The following COL24A1 variants were observed in gnomAD, a reference collection of about 807,000 sequenced individuals.
COL24A1 encodes collagen alpha-1(XXIV) chain.
A neutral mutation model predicts 253.9 loss-of-function variants in COL24A1; 224 were observed. The ratio of observed to expected loss-of-function variants is 0.88; its 90% CI spans 0.79 to 0.99. The LOEUF is 0.99. Ranked by LOEUF, COL24A1 falls within the 50% of genes least tolerant of loss-of-function variation. The pLI, the probability that COL24A1 is intolerant of heterozygous loss-of-function variation, is 0.00. For synonymous variants in COL24A1, 685 were observed against 673.7 expected (o/e 1.02, Z -0.26); for missense variants, 2,131 against 2,068.5 (o/e 1.03, Z -0.59).
chr1:85,783,035 C>T (rs769997400), intron 51 of COL24A1, among the ~76,000 whole-genome samples: 3 of 152,148 alleles, frequency 2.0e-5, no homozygotes, highest in East Asian at 1.9e-4. Flanking sequence ...ACTATTTAAG[C>T]GGTTCCTCAT....
At chr1:86,112,690 T>C in intron 4 of COL24A1, 70 bp from the exon 5 acceptor site, 1 of 1,405,120 alleles carries the variant, frequency 7.1e-7, no homozygotes, top group Non-Finnish European at 1.0e-6. Flanking sequence ...TTGCTTACTT[T>C]CCTCTCAACA....
intron 33 of COL24A1, among the ~76,000 whole-genome samples, chr1:85,876,361 A>C (rs1681166476): frequency 6.6e-6 from 1 of 152,164 alleles, no homozygotes; most frequent in South Asian, 2.1e-4. Flanking sequence ...TATAAGGGAT[A>C]TCTTTCATTG....
At chr1:86,017,309 T>C (rs1301020845) in intron 18 of COL24A1, 105 bp from the exon 19 acceptor site, 3 of 1,006,266 alleles carry the variant, frequency 3.0e-6, no homozygotes, top group East Asian at 6.1e-5. Flanking sequence ...CATTATATTA[T>C]CATGTCAAAC....
intron 6 of COL24A1, 106 bp downstream of exon 6, chr1:86,092,160 GT>G (rs953278519): frequency 3.7e-6 from 3 of 812,476 alleles, no homozygotes; most frequent in South Asian, 2.0e-5. Context: ...TAATTCTCAT[GT>G]TTTTTTCCTG....
intron 39 of COL24A1, 35 bp downstream of exon 39, chr1:85,847,630 A>G (rs757785223): frequency 7.4e-6 from 11 of 1,486,122 alleles, no homozygotes; most frequent in Non-Finnish European, 1.0e-5. Context: ...TCCCATCCAC[A>G]GTGACTCAAT....
intron 7 of COL24A1, 39 bp downstream of exon 7, chr1:86,089,135 A>AG (rs770666514): frequency 6.5e-7 from 1 of 1,531,184 alleles, no homozygotes; most frequent in Non-Finnish European, 8.8e-7. Flanking sequence ...AAAAAGAAAA[A>AG]AAGAAGAAAA....
chr1:85,875,957 G>A (rs1681116714), intron 33 of COL24A1, among the ~76,000 whole-genome samples: 1 of 151,988 alleles, frequency 6.6e-6, no homozygotes, highest in Non-Finnish European at 1.5e-5. Flanking sequence ...AACATGCTAT[G>A]TGTGCCCCTC....
intron 35 of COL24A1, among the ~76,000 whole-genome samples, chr1:85,869,845 C>T (rs1441396066): frequency 2.0e-5 from 3 of 152,068 alleles, no homozygotes; most frequent in Admixed American, 6.6e-5. Flanking sequence ...TCACACACAA[C>T]GATATTAACC....
chr1:85,997,510 C>T (rs892299084), intron 19 of COL24A1, among the ~76,000 whole-genome samples: 13 of 152,118 alleles, frequency 8.5e-5, no homozygotes, highest in South Asian at 4.2e-4. Context: ...GTGGGCCGGG[C>T]GCAGTGACTC....
intron 14 of COL24A1, among the ~76,000 whole-genome samples, chr1:86,023,361 A>G (rs1387686894): frequency 6.6e-6 from 1 of 152,164 alleles, no homozygotes; most frequent in African/African-American, 2.4e-5. Context: ...GAACTAGTCA[A>G]CAGATACTTC....
intron 5 of COL24A1, among the ~76,000 whole-genome samples, chr1:86,109,478 G>T (rs1705324902): frequency 6.6e-6 from 1 of 152,170 alleles, no homozygotes; most frequent in Non-Finnish European, 1.5e-5. Flanking sequence ...CAGGTAGCAT[G>T]ATTCTCCCCA....
At chr1:85,761,770 G>A (rs760183607) in intron 53 of COL24A1, among the ~76,000 whole-genome samples, 1 of 152,042 alleles carries the variant, frequency 6.6e-6, no homozygotes, top group Non-Finnish European at 1.5e-5. Context: ...TTATTTTCCT[G>A]TTTATCGATA....
At chr1:86,041,661 T>G (rs1699497707) in intron 12 of COL24A1, among the ~76,000 whole-genome samples, 1 of 152,136 alleles carries the variant, frequency 6.6e-6, no homozygotes, top group African/African-American at 2.4e-5. Context: ...TCCCCTATTT[T>G]TTTTAAACAG....
At chr1:85,924,851 G>T (rs933230509) in intron 24 of COL24A1, among the ~76,000 whole-genome samples, 7 of 152,250 alleles carry the variant, frequency 4.6e-5, no homozygotes, top group South Asian at 2.1e-4. Context: ...GAAATAAAGG[G>T]TATTCAATTA....
intron 7 of COL24A1, among the ~76,000 whole-genome samples, chr1:86,080,732 TA>T (rs1239909564): frequency 1.3e-5 from 2 of 151,944 alleles, no homozygotes; most frequent in African/African-American, 2.4e-5. Flanking sequence ...ACAGGACAAA[TA>T]AAAAGACACA....
chr1:85,898,730 T>C (rs958644229), intron 28 of COL24A1, among the ~76,000 whole-genome samples: 2 of 152,140 alleles, frequency 1.3e-5, no homozygotes, highest in Non-Finnish European at 2.9e-5. Context: ...GACAAATCCC[T>C]GAATTCATAA....
chr1:85,913,485 C>G (rs1042287129), intron 24 of COL24A1, among the ~76,000 whole-genome samples: 3 of 152,006 alleles, frequency 2.0e-5, no homozygotes, highest in Non-Finnish European at 4.4e-5. Context: ...TTGTTTCTGC[C>G]CATGCTCTGC....
At chr1:85,996,052 CAT>C (rs1185581033) in intron 19 of COL24A1, among the ~76,000 whole-genome samples, 2 of 152,116 alleles carry the variant, frequency 1.3e-5, no homozygotes, top group Non-Finnish European at 2.9e-5. Flanking sequence ...ACAATTTATA[CAT>C]ATGTCAAAAG....
At chr1:86,008,080 T>C (rs955113462) in intron 19 of COL24A1, among the ~76,000 whole-genome samples, 2 of 152,066 alleles carry the variant, frequency 1.3e-5, no homozygotes, top group African/African-American at 4.8e-5. Flanking sequence ...AGAATGCAAG[T>C]TGAGACAATA....
Sources: gnomAD v4.1 joint callset for allele counts (sites outside exome capture counted in the v4.1 genomes callset) on GRCh38, gnomAD v4.1.1 for gene constraint, MANE v1.5 for transcripts, NCBI Gene and HGNC (gene_info 2026-07-23, HGNC 2026-07-21) for gene names.